ERBB4: variants seen among roughly 807,000 people sequenced by gnomAD.
ERBB4 encodes the protein receptor tyrosine-protein kinase erbB-4.
A neutral mutation model predicts 158.0 loss-of-function variants in ERBB4; 42 were observed. The ratio of observed to expected loss-of-function variants is 0.27; its 90% CI spans 0.21 to 0.34. The LOEUF is 0.34. Among genes scored for constraint, ERBB4 ranks in the 10% least tolerant of loss-of-function variants. ERBB4 has a pLI of 1.00. For synonymous variants in ERBB4, 583 were observed against 558.7 expected (o/e 1.04, Z -0.61); for missense variants, 1,333 against 1,624.1 (o/e 0.82, Z 3.08).
At chr2:211,636,969 C>T (rs546876614) in intron 16 of ERBB4, among the ~76,000 whole-genome samples, 241 of 151,948 alleles carry the variant, frequency 1.6e-3, no homozygotes, top group African/African-American at 2.3e-3. Context: ...GCAAGTTTTA[C>T]TTTCTGGGAA....
chr2:212,190,516 A>G (rs146741478), intron 1 of ERBB4, among the ~76,000 whole-genome samples: 3,835 of 147,222 alleles, frequency 0.026, 122 homozygotes, highest in African/African-American at 0.08. Context: ...CAGCCTGGGC[A>G]ACAGAGCGAG....
intron 3 of ERBB4, among the ~76,000 whole-genome samples, chr2:211,885,128 T>C (rs2078763664): frequency 6.6e-6 from 1 of 152,138 alleles, no homozygotes; most frequent in Middle Eastern, 3.2e-3. Flanking sequence ...TAAAACTTTT[T>C]CAAAGGTAAT....
chr2:212,246,678 A>T (rs2084322016), intron 1 of ERBB4, among the ~76,000 whole-genome samples: 1 of 152,188 alleles, frequency 6.6e-6, no homozygotes, highest in Admixed American at 6.6e-5. Context: ...TTATGAAGAA[A>T]GTAATATTCC....
intron 7 of ERBB4, among the ~76,000 whole-genome samples, chr2:211,720,728 T>C (rs1052572733): frequency 1.6e-4 from 25 of 152,218 alleles, no homozygotes; most frequent in Non-Finnish European, 3.7e-4. Context: ...TGTTATTCAT[T>C]TTCAGCATAG....
At chr2:211,512,232 G>C (rs1463030421) in intron 20 of ERBB4, among the ~76,000 whole-genome samples, 1 of 152,140 alleles carries the variant, frequency 6.6e-6, no homozygotes, top group Non-Finnish European at 1.5e-5. Flanking sequence ...GAGAAACTCT[G>C]AGTATGAACT....
chr2:211,722,540 A>T lies in ERBB4; in HGVS notation c.742-6T>A, dbSNP rs2074136715. 6.2e-7 allele frequency: 1 copy of T among 1,613,730 alleles called. No individual in the cohort carries two copies. The highest frequency in any genetic ancestry group is 1.1e-5 in the South Asian group (1 of 91,082). On this transcript the variant is annotated splice_region_variant and splice_polypyrimidine_tract_variant and intron_variant, in intron 6 of 27. Transcript: ENST00000342788. ...TCATTGAAATTCATGCAGGCCTGCA[A>T]CACAGCAAATATTACTTTCATTTAC...
intron 3 of ERBB4, among the ~76,000 whole-genome samples, chr2:211,912,964 C>G (rs1174012838): frequency 6.6e-6 from 1 of 152,188 alleles, no homozygotes; most frequent in African/African-American, 2.4e-5. Flanking sequence ...TGTCTTGCCA[C>G]TAAAATCTGA....
intron 20 of ERBB4, among the ~76,000 whole-genome samples, chr2:211,558,258 C>G (rs2067291919): frequency 6.6e-6 from 1 of 152,160 alleles, no homozygotes; most frequent in Admixed American, 6.5e-5. Context: ...GTTTCCTTAT[C>G]ATTTCCAGCT....
chr2:212,146,258 C>G (rs754943254), intron 1 of ERBB4, among the ~76,000 whole-genome samples: 2 of 152,102 alleles, frequency 1.3e-5, no homozygotes, highest in African/African-American at 2.4e-5. Context: ...TTTCTCTTAT[C>G]CTGAATGGTG....
chr2:211,592,219 T>C (rs2068492884), intron 19 of ERBB4, among the ~76,000 whole-genome samples: 1 of 152,124 alleles, frequency 6.6e-6, no homozygotes, highest in South Asian at 2.1e-4. Context: ...TCGGATGAAT[T>C]CCTGGGAACT....
intron 1 of ERBB4, among the ~76,000 whole-genome samples, chr2:212,394,005 G>A (rs1490436540): frequency 6.6e-6 from 1 of 152,092 alleles, no homozygotes; most frequent in Non-Finnish European, 1.5e-5. Context: ...CTGAGTTGTT[G>A]AATGACTATG....
intron 3 of ERBB4, among the ~76,000 whole-genome samples, chr2:211,817,857 G>A (rs1575190539): frequency 6.6e-6 from 1 of 152,168 alleles, no homozygotes; most frequent in Middle Eastern, 3.4e-3. Context: ...GGGATGGAAA[G>A]AATTTCCACA....
chr2:212,379,815 G>A (rs1434238850), intron 1 of ERBB4, among the ~76,000 whole-genome samples: 2 of 151,310 alleles, frequency 1.3e-5, no homozygotes, highest in African/African-American at 4.8e-5. Context: ...GTGTGTGTGT[G>A]TGTATGTGTG....
At chr2:211,515,012 T>C (rs1212514010) in intron 20 of ERBB4, among the ~76,000 whole-genome samples, 1 of 152,176 alleles carries the variant, frequency 6.6e-6, no homozygotes, top group East Asian at 1.9e-4. Context: ...GAAAAAGGGA[T>C]TGATTACTGG....
chr2:212,518,593 T>C (rs951688883), intron 1 of ERBB4, among the ~76,000 whole-genome samples: 1 of 152,032 alleles, frequency 6.6e-6, no homozygotes, highest in Non-Finnish European at 1.5e-5. Context: ...TAACCATTTA[T>C]GGTACCACAA....
intron 5 of ERBB4, among the ~76,000 whole-genome samples, chr2:211,743,183 A>G (rs2106188426): frequency 6.6e-6 from 1 of 152,346 alleles, no homozygotes; most frequent in Admixed American, 6.5e-5. Flanking sequence ...GCTTATCAGC[A>G]AGAAACATCA....
chr2:212,333,581 C>T (rs973520125), intron 1 of ERBB4, among the ~76,000 whole-genome samples: 26 of 151,198 alleles, frequency 1.7e-4, no homozygotes, highest in African/African-American at 6.1e-4. Context: ...GTAGTCCCAG[C>T]TACTGGAGAA....
At chr2:211,432,475 C>T (rs951602148) in intron 20 of ERBB4, among the ~76,000 whole-genome samples, 1 of 152,142 alleles carries the variant, frequency 6.6e-6, no homozygotes. Flanking sequence ...CTGAAATCAA[C>T]TTACAACCGA....
chr2:211,420,412 T>C, intron 25 of ERBB4, 29 bp downstream of exon 25: 1 of 1,458,932 alleles, frequency 6.9e-7, no homozygotes, highest in Non-Finnish European at 9.6e-7. Flanking sequence ...TCAGAAAGAA[T>C]ATGATATGTG....
Sources: gnomAD v4.1 joint callset for allele counts (sites outside exome capture counted in the v4.1 genomes callset) on GRCh38, gnomAD v4.1.1 for gene constraint, MANE v1.5 for transcripts, NCBI Gene and HGNC (gene_info 2026-07-23, HGNC 2026-07-21) for gene names.